The following PPP4R1 variants were observed in gnomAD, a reference collection of about 807,000 sequenced individuals.
PPP4R1 encodes the protein serine/threonine-protein phosphatase 4 regulatory subunit 1.
PPP4R1 carries 42 observed loss-of-function variants against 111.2 expected under a neutral mutation model. The observed-to-expected ratio is 0.38, with a 90% CI of 0.29 to 0.49. The LOEUF is 0.49. PPP4R1 is among the 20% of genes least tolerant of loss of function. PPP4R1 has a pLI of 0.97. For synonymous variants in PPP4R1, 409 were observed against 405.5 expected, an observed-to-expected ratio of 1.01 and a Z score of -0.10; for missense variants, 1,012 against 1,161.6, an observed-to-expected ratio of 0.87 and a Z score of 1.87.
chr18:9,607,322 T>C (rs2067497373), intron 2 of PPP4R1, among the ~76,000 whole-genome samples: 1 of 150,592 alleles, frequency 6.6e-6, no homozygotes, highest in Non-Finnish European at 1.5e-5. Context: ...GATAGTGCCA[T>C]TACACTCCAG....
chr18:9,614,351 C>A lies in PPP4R1; in HGVS notation c.8-81G>T. The A allele has an allele frequency of 3.7e-6, 4 of 1,072,556 alleles. No homozygotes were observed. The highest frequency in any genetic ancestry group is 8.5e-4 in the Middle Eastern group (2 of 2,342). The allele number at this position is 1,072,556 out of a possible 1,614,324, so 66.4% of individuals were successfully genotyped here. On this transcript the variant is annotated intron_variant, in intron 1 of 19. Coordinates refer to ENST00000400556, the MANE Select transcript of PPP4R1 (RefSeq NM_001042388.3). The surrounding 1 kb of genome is among the most constrained non-coding windows in gnomAD (Gnocchi z 4.1). ...GCCCCCCCCCCGCCCGCCTCCCCCC[C>A]GCCCCGGGGGCGCCTTCCCGCGCCG...
chr18:9,607,221 C>CGTG (rs1352804894), intron 2 of PPP4R1, among the ~76,000 whole-genome samples: 1 of 151,768 alleles, frequency 6.6e-6, no homozygotes, highest in Non-Finnish European at 1.5e-5. Context: ...ATTAGCCAGG[C>CGTG]GTGGTGGTGC....
At chr18:9,600,233 A>C (rs1443414160) in intron 2 of PPP4R1, among the ~76,000 whole-genome samples, 4 of 150,980 alleles carry the variant, frequency 2.6e-5, no homozygotes, top group African/African-American at 9.7e-5. Flanking sequence ...CAATCCTAGG[A>C]GTAATCTCTG....
At chr18:9,614,823 G>A (rs1462164890), upstream of PPP4R1, 2 of 149,426 alleles carry the variant, frequency 1.3e-5, no homozygotes, top group Non-Finnish European at 3.0e-5. This position sits in a 1 kb window ranked among gnomAD's most constrained non-coding sequence, Gnocchi z 4.1. Flanking sequence ...CCCTCACGCC[G>A]AGCGCTGCGG....
chr18:9,553,338 G>A lies in PPP4R1; in HGVS notation c.2275C>T (p.Arg759Ter), dbSNP rs1290943080. Residue 759 changes from arginine (R) to a stop codon, truncating the protein, a stop_gained, in exon 16 of 20, where the codon CGA (arginine) becomes TGA (stop). Transcript: ENST00000400556. LOFTEE classifies it high-confidence loss of function. ...AGAACTTACTCAGCCAGTTCAGCTCGAAACCGCCAATTTCTACTATTATCT... is the reference window on the plus strand; with the variant it reads ...AGAACTTACTCAGCCAGTTCAGCTCAAAACCGCCAATTTCTACTATTATCT... ...VTDNSRNWRF[R>*]AELAEQLILL... 2.5e-6 allele frequency: 4 copies of A among 1,593,154 alleles called. No homozygotes were observed. The highest frequency in any genetic ancestry group is 3.4e-6 in the Non-Finnish European group (4 of 1,161,582).
intron 2 of PPP4R1, among the ~76,000 whole-genome samples, chr18:9,602,198 G>A (rs186982354): frequency 2.4e-4 from 36 of 151,850 alleles, no homozygotes; most frequent in Admixed American, 2.1e-3. Flanking sequence ...CCAATTTTTC[G>A]CTTTTTTAAA....
intron 16 of PPP4R1, among the ~76,000 whole-genome samples, chr18:9,552,152 T>C (rs974904660): frequency 6.6e-6 from 1 of 152,200 alleles, no homozygotes; most frequent in African/African-American, 2.4e-5. Flanking sequence ...AAAATGCAGG[T>C]GAGGTCTATA....
At chr18:9,556,059 G>A (rs1367713151) in intron 15 of PPP4R1, among the ~76,000 whole-genome samples, 1 of 151,572 alleles carries the variant, frequency 6.6e-6, no homozygotes, top group African/African-American at 2.4e-5. Context: ...TACTCAGGAG[G>A]CTGAGGCAGG....
At chr18:9,548,700 T>C (rs1269549438) in intron 19 of PPP4R1, among the ~76,000 whole-genome samples, 2 of 152,168 alleles carry the variant, frequency 1.3e-5, no homozygotes, top group African/African-American at 4.8e-5. Context: ...GCAGATCACA[T>C]GAGGTCAGGA....
At position 9,553,286 on chromosome 18, in the gene PPP4R1, C is replaced by T. The variant is rs542225158; in HGVS notation, c.2291+36G>A. On this transcript the variant is annotated intron_variant, in intron 16 of 19. Coordinates refer to ENST00000400556, the MANE Select transcript of PPP4R1 (RefSeq NM_001042388.3). ...GTAAAAATGAAGTAAATATATACCC[C>T]TCCAAAACATAATCTAATAAACTGT... is the stretch of plus-strand genomic sequence containing the variant. 170 of 1,457,126 alleles carry T rather than the reference C, an allele frequency of 1.2e-4. 1 individual carries two copies. The South Asian group carries it at 1.8e-3, about 16-fold the overall frequency. 90.3% of individuals were successfully genotyped at this position (1,457,126 alleles called of 1,614,324 possible).
At chr18:9,561,891 A>G in intron 13 of PPP4R1, 89 bp downstream of exon 13, 1 of 1,052,778 alleles carries the variant, frequency 9.5e-7, no homozygotes, top group Non-Finnish European at 1.5e-6. Context: ...AACACTCATC[A>G]TAAAGAAGGG....
At chr18:9,581,075 TAAC>T (rs1256915703) in intron 9 of PPP4R1, among the ~76,000 whole-genome samples, 1 of 151,370 alleles carries the variant, frequency 6.6e-6, no homozygotes, top group African/African-American at 2.4e-5. Context: ...CAAATAACAG[TAAC>T]AAGCCCCCAT....
intron 2 of PPP4R1, among the ~76,000 whole-genome samples, chr18:9,602,195 T>C (rs2067395117): frequency 6.6e-6 from 1 of 151,970 alleles, no homozygotes; most frequent in Admixed American, 6.6e-5. Context: ...ATTCCAATTT[T>C]TCGCTTTTTT....
chr18:9,572,921 C>T (rs1370324732), intron 10 of PPP4R1, among the ~76,000 whole-genome samples: 2 of 152,114 alleles, frequency 1.3e-5, no homozygotes, highest in African/African-American at 4.8e-5. Flanking sequence ...GTGAAGAAAT[C>T]AGACTTTAAC....
intron 4 of PPP4R1, among the ~76,000 whole-genome samples, chr18:9,591,239 C>G (rs773025878): frequency 4.0e-5 from 6 of 151,434 alleles, no homozygotes; most frequent in Non-Finnish European, 8.8e-5. Flanking sequence ...TCCCACCACT[C>G]GAGAGGCTGA....
At chr18:9,555,456 T>C (rs2066557220) in intron 15 of PPP4R1, among the ~76,000 whole-genome samples, 1 of 152,192 alleles carries the variant, frequency 6.6e-6, no homozygotes, top group African/African-American at 2.4e-5. Context: ...GAGAAAAAGA[T>C]ATTCAGAGTT....
chr18:9,565,144 A>T (rs1478037624), intron 11 of PPP4R1, among the ~76,000 whole-genome samples: 1 of 152,146 alleles, frequency 6.6e-6, no homozygotes, highest in East Asian at 1.9e-4. Context: ...TACTAGTTCA[A>T]TCTTTTTCAT....
intron 9 of PPP4R1, among the ~76,000 whole-genome samples, chr18:9,579,516 A>ATGTGTGTG (rs1568107426): frequency 1.1e-5 from 1 of 90,676 alleles, no homozygotes; most frequent in African/African-American, 4.0e-5. Context: ...TAGGATTTAC[A>ATGTGTGTG]CGTGTGTGTG....
intron 13 of PPP4R1, among the ~76,000 whole-genome samples, chr18:9,561,039 G>GA (rs927447351): frequency 4.6e-5 from 7 of 151,320 alleles, no homozygotes; most frequent in Non-Finnish European, 1.0e-4. Context: ...CCAACACGGC[G>GA]AAACACTGTC....
Sources: gnomAD v4.1 joint callset for allele counts (sites outside exome capture counted in the v4.1 genomes callset) on GRCh38, gnomAD v4.1.1 for gene constraint, Gnocchi (gnomAD v3.1) non-coding constraint, MANE v1.5 for transcripts, NCBI Gene and HGNC (gene_info 2026-07-23, HGNC 2026-07-21) for gene names.